The following SLC22A16 variants were observed in gnomAD, a reference collection of about 807,000 sequenced individuals.
The protein encoded by SLC22A16 is solute carrier family 22 member 16, also known as WUGSC:RG331P03.1.
SLC22A16 carries 53 observed loss-of-function variants against 52.9 expected under a neutral mutation model. The observed-to-expected ratio is 1.00, with a 90% confidence interval of 0.80 to 1.26. The LOEUF is 1.26. SLC22A16 is among the 50% of genes most tolerant of loss of function. The pLI, the probability that SLC22A16 is intolerant of heterozygous loss-of-function variation, is 0.00. For missense variants in SLC22A16, 726 were observed against 704.0 expected (o/e 1.03, Z -0.35); for synonymous variants, 291 against 268.8 (o/e 1.08, Z -0.81).
At chr6:110,440,173 C>T (rs1774908115) in intron 4 of SLC22A16, 1 of 152,184 alleles carries the variant, frequency 6.6e-6, no homozygotes. Context: ...GGTCACCATA[C>T]TGATACTGAA....
intron 7 of SLC22A16, among the ~76,000 whole-genome samples, chr6:110,428,681 C>T (rs547330082): frequency 2.0e-5 from 3 of 152,230 alleles, no homozygotes; most frequent in South Asian, 4.2e-4. Context: ...TTTGGGAGGC[C>T]GAGATGGGCA....
intron 2 of SLC22A16, among the ~76,000 whole-genome samples, chr6:110,447,430 C>T (rs548976024): frequency 6.6e-6 from 1 of 152,142 alleles, no homozygotes; most frequent in South Asian, 2.1e-4. Context: ...TGCTTACTTG[C>T]CCTATCTTTT....
At chr6:110,475,887 G>C in intron 1 of SLC22A16, 1 of 456,626 alleles carries the variant, frequency 2.2e-6, no homozygotes, top group South Asian at 1.5e-5. Flanking sequence ...TTGGCTATGA[G>C]TCCTTGACCC....
chr6:110,428,285 C>T (rs1458570336), intron 7 of SLC22A16, among the ~76,000 whole-genome samples: 1 of 151,984 alleles, frequency 6.6e-6, no homozygotes, highest in Non-Finnish European at 1.5e-5. Context: ...GGTAATACTC[C>T]TTAGATCCAA....
Position 110,446,719 on chromosome 6 carries a change from G to A in SLC22A16, c.651+154C>T, listed in dbSNP as rs1238978699. On this transcript the variant is annotated intron_variant, in intron 3 of 7. Coordinates refer to ENST00000368919, the MANE Select transcript of SLC22A16 (RefSeq NM_033125.4). ...TTAATGAGTTCCATTCTAAACATAAGGCATTGGTATTCTGTAGGCAGACTT... is the reference window on the plus strand; with the variant it reads ...TTAATGAGTTCCATTCTAAACATAAAGCATTGGTATTCTGTAGGCAGACTT... 4.6e-5 allele frequency among the ~76,000 whole-genome samples: 7 copies of A among 152,160 alleles called. No homozygotes were observed. The East Asian group carries it at 1.3e-3, about 29-fold the overall frequency.
chr6:110,461,070 G>A (rs1455049470), intron 1 of SLC22A16, among the ~76,000 whole-genome samples: 1 of 152,210 alleles, frequency 6.6e-6, no homozygotes, highest in African/African-American at 2.4e-5. Context: ...AGGCTTTCTA[G>A]CACTTTTCAC....
In SLC22A16 at chr6:110,438,809, C is replaced by T. The variant is rs144862556; in HGVS notation, c.1222G>A (p.Ala408Thr). 56 of 1,613,918 alleles carry T rather than the reference C, an allele frequency of 3.5e-5. No individual in the cohort carries two copies. The East Asian group carries it at 3.6e-4, about 10-fold the overall frequency. The change falls in exon 5 of 8, where the codon GCC becomes ACC. Residue 408 changes from alanine (A) to threonine (T), a missense_variant. Ala to Thr is a moderately conservative substitution (Grantham distance 58). Transcript: ENST00000368919. Reference sequence around the variant, plus strand: ...GTTCTCCTCCCGACCTTGTCCATGGCGATGCACACGAAGGTGTAGGCGGGA... The same window carrying T: ...GTTCTCCTCCCGACCTTGTCCATGGTGATGCACACGAAGGTGTAGGCGGGA... ...EIPAYTFVCI[A>T]MDKVGRRTVL... is the part of the protein sequence containing the mutation.
Position 110,438,745 on chromosome 6 carries a change from C to T in SLC22A16, c.1286G>A (p.Cys429Tyr), listed in dbSNP as rs1380158681. The change falls in exon 5 of 8, where the codon TGT (cysteine) becomes TAT (tyrosine). Residue 429 changes from cysteine (C) to tyrosine (Y), a missense_variant. Coordinates refer to ENST00000368919, the MANE Select transcript of SLC22A16 (RefSeq NM_033125.4). Reference protein sequence around the residue: ...AYSLFCSALACGVVMVIPQKH... With the variant: ...AYSLFCSALAYGVVMVIPQKH... The stretch of plus-strand genomic sequence containing the variant: ...CTGGGGGATCACCATAACGACACCA[C>T]AGGCCAGTGCACTGCAGAAAAGAGA... 2 of 1,613,760 alleles carry T rather than the reference C, an allele frequency of 1.2e-6. No individual in the cohort carries two copies. The highest frequency in any genetic ancestry group is 1.7e-6 in the Non-Finnish European group (2 of 1,179,850).
chr6:110,476,102 G>C (rs1407347749), intron 1 of SLC22A16: 1 of 433,772 alleles, frequency 2.3e-6, no homozygotes, highest in Non-Finnish European at 4.5e-6. Context: ...CTACGGAGGC[G>C]CAGGGCAGAA....
chr6:110,434,698 G>A (rs1006372249), intron 6 of SLC22A16, among the ~76,000 whole-genome samples: 9 of 152,144 alleles, frequency 5.9e-5, no homozygotes, highest in African/African-American at 9.7e-5. Context: ...CCCGAGTCTC[G>A]GCTAGGCGTG....
intron 6 of SLC22A16, 50 bp from the exon 7 acceptor site, chr6:110,431,320 G>A: frequency 2.0e-6 from 3 of 1,504,822 alleles, no homozygotes; most frequent in Middle Eastern, 1.8e-4. Flanking sequence ...AGTGACCCAG[G>A]GATTGAGGGA....
chr6:110,430,113 G>A (rs1774435948), intron 7 of SLC22A16, among the ~76,000 whole-genome samples: 1 of 152,026 alleles, frequency 6.6e-6, no homozygotes, highest in Non-Finnish European at 1.5e-5. Flanking sequence ...ACCCAGACAG[G>A]GTGGGGGATG....
chr6:110,454,629 T>C, intron 2 of SLC22A16, among the ~76,000 whole-genome samples: 1 of 49,444 alleles, frequency 2.0e-5, no homozygotes, highest in South Asian at 4.7e-4. Context: ...ATAATATATA[T>C]TTATATATAT....
rs1210183417 is a variant in SLC22A16, at chr6:110,460,604, A to C, written c.54-3587T>G. On this transcript the variant is annotated intron_variant, in intron 1 of 7. Coordinates refer to ENST00000368919, the MANE Select transcript of SLC22A16 (RefSeq NM_033125.4). Reference sequence around the variant, plus strand: ...GTGGTGATTTGGGAACTTCCTGAGAATAGAGTGCCAGGTGACCAACTCATG... The same window carrying C: ...GTGGTGATTTGGGAACTTCCTGAGACTAGAGTGCCAGGTGACCAACTCATG... 2.0e-5 allele frequency among the ~76,000 whole-genome samples: 3 copies of C among 152,230 alleles called. No individual in the cohort carries two copies. In the East Asian group the frequency reaches 5.8e-4, roughly 30 times the overall value.
chr6:110,455,458 T>G (rs1775611174), intron 2 of SLC22A16: 2 of 152,274 alleles, frequency 1.3e-5, no homozygotes, highest in African/African-American at 2.4e-5. Flanking sequence ...CCCATTAGAC[T>G]GGTATACCTC....
intron 2 of SLC22A16, among the ~76,000 whole-genome samples, chr6:110,454,811 T>TATATAATATATATATTATAATATATATA (rs1775557735): frequency 5.2e-5 from 1 of 19,380 alleles, no homozygotes; most frequent in Non-Finnish European, 8.1e-5. Context: ...ATATATATAT[T>TATATAATATATATATTATAATATATATA]ATATATGTTA....
At chr6:110,457,082 T>G (rs1278560564) in intron 1 of SLC22A16, 65 bp from the exon 2 acceptor site, 2 of 1,442,802 alleles carry the variant, frequency 1.4e-6, no homozygotes, top group East Asian at 2.3e-5. Context: ...ATAAGCAAAT[T>G]TGAAGGGTCT....
chr6:110,462,468 G>C (rs574183168), intron 1 of SLC22A16, among the ~76,000 whole-genome samples: 14 of 152,036 alleles, frequency 9.2e-5, no homozygotes, highest in South Asian at 6.3e-4. Flanking sequence ...GGACATGAAA[G>C]ACAAAATAGA....
At chr6:110,436,187 T>C (rs963606185) in intron 5 of SLC22A16, among the ~76,000 whole-genome samples, 1 of 152,168 alleles carries the variant, frequency 6.6e-6, no homozygotes, top group African/African-American at 2.4e-5. Flanking sequence ...CTTCTCCCCA[T>C]CCACTTTGGA....
Sources: allele counts gnomAD v4.1 joint callset (sites outside exome capture counted in the v4.1 genomes callset), GRCh38; gene constraint gnomAD v4.1.1; transcripts MANE v1.5; gene names NCBI Gene and HGNC (gene_info 2026-07-23, HGNC 2026-07-21).